RAPGEF6: variants seen among roughly 807,000 people sequenced by gnomAD.
RAPGEF6 encodes the protein Rap guanine nucleotide exchange factor 6.
Under a neutral mutation model 171.4 loss-of-function variants are expected in RAPGEF6, and 56 were observed. That is an observed-to-expected ratio of 0.33 (90% CI 0.26 to 0.41). The LOEUF (loss-of-function observed/expected upper bound fraction) is 0.41. Ranked by LOEUF, RAPGEF6 falls within the 10% of genes least tolerant of loss-of-function variation. RAPGEF6 has a pLI of 1.00. For missense variants in RAPGEF6, 1,674 were observed against 1,921.4 expected, an observed-to-expected ratio of 0.87 and a Z score of 2.41; for synonymous variants, 692 against 650.1, an observed-to-expected ratio of 1.06 and a Z score of -0.98.
intron 6 of RAPGEF6, among the ~76,000 whole-genome samples, chr5:131,539,915 A>AC (rs1183625845): frequency 2.0e-5 from 3 of 152,176 alleles, no homozygotes; most frequent in Non-Finnish European, 4.4e-5. Context: ...TCATCCTACC[A>AC]CCCACTATAC....
chr5:131,611,453 A>G (rs1561605549), intron 1 of RAPGEF6, among the ~76,000 whole-genome samples: 1 of 152,160 alleles, frequency 6.6e-6, no homozygotes, highest in Non-Finnish European at 1.5e-5. Flanking sequence ...GTGGAGATCA[A>G]CTCAGGTCAG....
At chr5:131,560,499 T>C (rs1581025499) in intron 5 of RAPGEF6, among the ~76,000 whole-genome samples, 1 of 152,226 alleles carries the variant, frequency 6.6e-6, no homozygotes, top group South Asian at 2.1e-4. Flanking sequence ...GCATATAGTA[T>C]GAGAAATACA....
chr5:131,484,656 G>T (rs963877581), intron 15 of RAPGEF6, among the ~76,000 whole-genome samples: 1 of 152,050 alleles, frequency 6.6e-6, no homozygotes, highest in Non-Finnish European at 1.5e-5. Flanking sequence ...AAAGTACAAA[G>T]AATTTTTATT....
At chr5:131,435,928 C>T in intron 24 of RAPGEF6, 2 of 1,505,374 alleles carry the variant, frequency 1.3e-6, no homozygotes, top group Middle Eastern at 3.4e-4. Flanking sequence ...AAACTTAACA[C>T]TAAAATTAAA....
chr5:131,633,847 T>A (rs1369232211), intron 1 of RAPGEF6, among the ~76,000 whole-genome samples: 2 of 152,198 alleles, frequency 1.3e-5, no homozygotes, highest in Non-Finnish European at 2.9e-5. Flanking sequence ...CTACTGAAAT[T>A]CATAAATCAG....
chr5:131,579,253 G>A (rs10900800), intron 4 of RAPGEF6, among the ~76,000 whole-genome samples: 96,047 of 152,044 alleles, frequency 0.63, 32,302 homozygotes, highest in Non-Finnish European at 0.77. Flanking sequence ...TTCCCGGTGA[G>A]TGTTAAAGCT....
intron 17 of RAPGEF6, among the ~76,000 whole-genome samples, chr5:131,471,629 A>C (rs943636344): frequency 6.6e-6 from 1 of 152,140 alleles, no homozygotes; most frequent in African/African-American, 2.4e-5. Flanking sequence ...AACCATCTCA[A>C]ATCCGTTAAG....
intron 13 of RAPGEF6, among the ~76,000 whole-genome samples, chr5:131,494,712 G>A (rs1331993338): frequency 1.3e-5 from 2 of 152,108 alleles, no homozygotes; most frequent in Non-Finnish European, 2.9e-5. Context: ...CAATCTTTTG[G>A]CCACACAGAA....
At chr5:131,490,213 C>T (rs1208965629) in intron 14 of RAPGEF6, among the ~76,000 whole-genome samples, 1 of 152,052 alleles carries the variant, frequency 6.6e-6, no homozygotes, top group East Asian at 1.9e-4. Flanking sequence ...ACCTCAGAAT[C>T]ATAGAAGCAG....
rs6885582 is a variant in RAPGEF6, at chr5:131,606,289, C to A, written c.70-1596G>T. On this transcript the variant is annotated intron_variant, in intron 1 of 27. Coordinates refer to ENST00000509018, the MANE Select transcript of RAPGEF6 (RefSeq NM_016340.6). ...GCTGAGGTGTGAGGGATGGCTTGAG[C>A]CTGGGAAGAAGTTGCAGTGAGCCGA... Among the ~76,000 whole-genome samples the A allele has an allele frequency of 9.0e-3, 1,349 of 149,184 alleles. 28 individuals carry two copies. Among genetic ancestry groups the A allele is most frequent in the African/African-American group, 0.031 (1,241 of 40,498 alleles).
rs118096384 is a variant in RAPGEF6, at chr5:131,546,612, A to T, written c.495+1435T>A. 0.013 allele frequency among the ~76,000 whole-genome samples: 1,946 copies of T among 152,232 alleles called. 120 individuals carry two copies. In the East Asian group the frequency reaches 0.2, roughly 16 times the overall value. On this transcript the variant is annotated intron_variant, in intron 6 of 27. Transcript: ENST00000509018. ...GAGCGACACTCCATCTCAAAAAAAAAAAATAAATAAATAATGAAGAACTGG... is the reference window on the plus strand; with the variant it reads ...GAGCGACACTCCATCTCAAAAAAAATAAATAAATAAATAATGAAGAACTGG...
At chr5:131,586,668 G>A (rs1021928042) in intron 4 of RAPGEF6, among the ~76,000 whole-genome samples, 3 of 151,972 alleles carry the variant, frequency 2.0e-5, no homozygotes, top group Non-Finnish European at 2.9e-5. Flanking sequence ...TGTATTCATC[G>A]GCAGTCATTA....
intron 4 of RAPGEF6, among the ~76,000 whole-genome samples, chr5:131,570,041 C>CAAAAAAAAAA (rs34729268): frequency 7.3e-5 from 2 of 27,490 alleles, no homozygotes; most frequent in Non-Finnish European, 1.1e-4. Context: ...GACTCTGTCT[C>CAAAAAAAAAA]AAAAAAAAAA....
In RAPGEF6 at chr5:131,472,498, G is replaced by GT. The variant is rs769915657; in HGVS notation, c.2239+88dup. On this transcript the variant is annotated intron_variant, in intron 17 of 27. Transcript: ENST00000509018. ...TAATCTAGAGTTAAGAGGGCTGCAAGTAACTCTAGCACTTGCTGCACAAGG... is the reference window on the plus strand; with the variant it reads ...TAATCTAGAGTTAAGAGGGCTGCAAGTTAACTCTAGCACTTGCTGCACAAGG... The GT allele has an allele frequency of 2.4e-4, 341 of 1,427,708 alleles. 1 individual carries two copies. The highest frequency in any genetic ancestry group is 2.9e-4 in the Non-Finnish European group (302 of 1,023,772). The allele number at this position is 1,427,708 out of a possible 1,614,324, so 88.4% of individuals were successfully genotyped here.
intron 6 of RAPGEF6, 69 bp downstream of exon 6, chr5:131,547,978 A>G: frequency 6.6e-7 from 1 of 1,513,824 alleles, no homozygotes; most frequent in Middle Eastern, 1.8e-4. Flanking sequence ...TACCAAAGAT[A>G]CATGTAAATT....
At chr5:131,527,158 G>C (rs907340499) in intron 6 of RAPGEF6, among the ~76,000 whole-genome samples, 3 of 152,152 alleles carry the variant, frequency 2.0e-5, no homozygotes, top group Admixed American at 6.5e-5. Context: ...TTACCCTAGT[G>C]AAGTGTACAG....
rs149510156 is a variant in RAPGEF6, at chr5:131,571,163, A to C, written c.282-9116T>G. ...CACCACGTTGGCCAGGTTGGTCTCAAACTCCCAACTTCAGGTGATCCACCC... is the reference window on the plus strand; with the variant it reads ...CACCACGTTGGCCAGGTTGGTCTCACACTCCCAACTTCAGGTGATCCACCC... On this transcript the variant is annotated intron_variant, in intron 4 of 27. Coordinates refer to ENST00000509018, the MANE Select transcript of RAPGEF6 (RefSeq NM_016340.6). 6.5e-3 allele frequency among the ~76,000 whole-genome samples: 982 copies of C among 152,064 alleles called. 8 individuals are homozygous for C. Among genetic ancestry groups the C allele is most frequent in the Non-Finnish European group, 0.01 (705 of 67,974 alleles).
At chr5:131,603,396 A>G (rs1250629315) in intron 2 of RAPGEF6, 69 bp from the exon 3 acceptor site, 9 of 993,324 alleles carry the variant, frequency 9.1e-6, no homozygotes, top group Non-Finnish European at 1.4e-5. Flanking sequence ...TTTGACCTCA[A>G]CTAATTATTA....
At chr5:131,537,303 T>G (rs1335579293) in intron 6 of RAPGEF6, among the ~76,000 whole-genome samples, 1 of 152,214 alleles carries the variant, frequency 6.6e-6, no homozygotes, top group East Asian at 1.9e-4. Flanking sequence ...GAGGAAGAAC[T>G]GCCCCAGACA....
Sources: gnomAD v4.1 joint callset for allele counts (sites outside exome capture counted in the v4.1 genomes callset) on GRCh38, gnomAD v4.1.1 for gene constraint, MANE v1.5 for transcripts, NCBI Gene and HGNC (gene_info 2026-07-23, HGNC 2026-07-21) for gene names.